The following NSUN6 variants were observed in gnomAD, a reference collection of about 807,000 sequenced individuals.
The protein encoded by NSUN6 is tRNA (cytosine(72)-C(5))-methyltransferase NSUN6.
In NSUN6, 64 loss-of-function variants were observed where a neutral mutation model predicts 58.0. The observed-to-expected ratio is 1.10, with a 90% CI of 0.90 to 1.36. The LOEUF (loss-of-function observed/expected upper bound fraction) is 1.36, where lower values mean the gene tolerates loss of function less well. NSUN6 is among the 40% of genes most tolerant of loss of function. The pLI is 0.00. For missense variants in NSUN6, 701 were observed against 550.1 expected, an observed-to-expected ratio of 1.27 and a Z score of -2.74; for synonymous variants, 231 against 193.9, an observed-to-expected ratio of 1.19 and a Z score of -1.59.
intron 5 of NSUN6, 152 bp downstream of exon 5, chr10:18,614,308 T>C (rs537827082): frequency 1.8e-5 from 7 of 398,206 alleles, no homozygotes; most frequent in South Asian, 1.1e-4. Flanking sequence ...CCAAACATCA[T>C]GGAAATATGG....
chr10:18,588,873 C>T (rs374690815), intron 7 of NSUN6, among the ~76,000 whole-genome samples: 80 of 152,274 alleles, frequency 5.3e-4, no homozygotes, highest in African/African-American at 1.8e-3. Flanking sequence ...TCTAAATAAT[C>T]GCAACTCCTC....
upstream of NSUN6, chr10:18,653,213 T>A: frequency 1.0e-6 from 1 of 984,706 alleles, no homozygotes; most frequent in Non-Finnish European, 1.2e-6. Context: ...CACCACTATG[T>A]ACCCAAGCCT....
intron 7 of NSUN6, among the ~76,000 whole-genome samples, chr10:18,588,459 C>G (rs568245844): frequency 6.6e-6 from 1 of 152,204 alleles, no homozygotes; most frequent in Non-Finnish European, 1.5e-5. Flanking sequence ...CAAGTGGGTC[C>G]CTGATCTCCG....
At position 18,585,970 on chromosome 10, in the gene NSUN6, C is replaced by G. The variant is rs775751297; in HGVS notation, c.901G>C (p.Asp301His). The change falls in exon 8 of 11, where the codon GAT becomes CAT. Residue 301 changes from aspartate (D) to histidine (H), a missense_variant. By Grantham distance (81) the Asp-to-His change is moderately conservative (BLOSUM62 -1). Coordinates refer to ENST00000377304, the MANE Select transcript of NSUN6 (RefSeq NM_182543.5). Reference protein sequence around the residue: ...CFDGTKAVKLDMVEDTEGEPP... With the variant: ...CFDGTKAVKLHMVEDTEGEPP... ...TCACCTTCTGTGTCCTCCACCATAT[C>G]AAGTTTAACCGCCTTTGTTCCATCA... The G allele has an allele frequency of 5.0e-6, 8 of 1,607,250 alleles. No homozygotes were observed. The East Asian group carries it at 8.9e-5, about 18-fold the overall frequency.
intron 8 of NSUN6, among the ~76,000 whole-genome samples, chr10:18,578,250 T>TTTTTTTTTTTTG: frequency 6.7e-6 from 1 of 148,278 alleles, no homozygotes; most frequent in Non-Finnish European, 1.5e-5. Flanking sequence ...TTTTTTTTTT[T>TTTTTTTTTTTTG]GAGATGGAGT....
upstream of NSUN6, among the ~76,000 whole-genome samples, chr10:18,657,389 T>C (rs1401383696): frequency 1.3e-5 from 2 of 152,168 alleles, no homozygotes; most frequent in Non-Finnish European, 2.9e-5. Flanking sequence ...AAAAGTAAGT[T>C]AAAAGTAAAT....
chr10:18,588,299 G>A (rs1186114778), intron 7 of NSUN6, among the ~76,000 whole-genome samples: 1 of 152,168 alleles, frequency 6.6e-6, no homozygotes, highest in East Asian at 1.9e-4. Context: ...CATTTCCCTT[G>A]GACAGAGCAC....
chr10:18,602,511 G>C (rs554831131), intron 6 of NSUN6, among the ~76,000 whole-genome samples: 1 of 152,162 alleles, frequency 6.6e-6, no homozygotes, highest in East Asian at 1.9e-4. Flanking sequence ...TAGGATTACA[G>C]GCGTAACCCA....
intron 8 of NSUN6, among the ~76,000 whole-genome samples, chr10:18,577,580 C>T (rs1417041574): frequency 1.3e-5 from 2 of 152,022 alleles, no homozygotes; most frequent in Non-Finnish European, 2.9e-5. Flanking sequence ...TCAAGCAGAA[C>T]AACTAAGCCA....
upstream of NSUN6, chr10:18,651,922 C>T (rs996468780): frequency 3.0e-6 from 3 of 985,282 alleles, no homozygotes; most frequent in African/African-American, 5.2e-5. Flanking sequence ...AAAGGCACAG[C>T]CCAGTTGCTG....
chr10:18,547,049 T>C (rs2054313786), intron 10 of NSUN6, among the ~76,000 whole-genome samples: 1 of 152,118 alleles, frequency 6.6e-6, no homozygotes, highest in South Asian at 2.1e-4. Flanking sequence ...CTAAGGTACC[T>C]CTCTCTGACC....
intron 3 of NSUN6, among the ~76,000 whole-genome samples, chr10:18,623,933 C>T (rs935543083): frequency 1.3e-5 from 2 of 152,124 alleles, no homozygotes; most frequent in African/African-American, 4.8e-5. Flanking sequence ...TGCTCTTTCC[C>T]CCATTCTGGA....
At chr10:18,649,500 T>G (rs1018939594) in intron 1 of NSUN6, among the ~76,000 whole-genome samples, 2 of 151,958 alleles carry the variant, frequency 1.3e-5, no homozygotes, top group African/African-American at 4.8e-5. Flanking sequence ...TGGTGGCCCC[T>G]GTCTGAGGTC....
At chr10:18,574,470 C>A (rs1475632554) in intron 8 of NSUN6, among the ~76,000 whole-genome samples, 2 of 152,072 alleles carry the variant, frequency 1.3e-5, no homozygotes. Context: ...TATTATCATA[C>A]AAAGGTTTGA....
At chr10:18,624,535 A>G (rs1270979300) in intron 3 of NSUN6, among the ~76,000 whole-genome samples, 1 of 150,696 alleles carries the variant, frequency 6.6e-6, no homozygotes, top group East Asian at 2.0e-4. Context: ...AGGTACCTGT[A>G]GCCTACTAGG....
At chr10:18,579,960 C>CT (rs907862583) in intron 8 of NSUN6, among the ~76,000 whole-genome samples, 1 of 152,146 alleles carries the variant, frequency 6.6e-6, no homozygotes, top group African/African-American at 2.4e-5. Flanking sequence ...TGACTTTTCC[C>CT]TTTAGCTTAG....
At chr10:18,559,479 T>G (rs528646612) in intron 8 of NSUN6, among the ~76,000 whole-genome samples, 1 of 143,904 alleles carries the variant, frequency 6.9e-6, no homozygotes. Flanking sequence ...GAGAATCGAA[T>G]GGAGAATGGA....
chr10:18,547,800 G>GA (rs11388658), intron 10 of NSUN6, among the ~76,000 whole-genome samples: 110,689 of 151,878 alleles, frequency 0.73, 40,588 homozygotes, highest in East Asian at 0.97. Flanking sequence ...GACTGGGAAG[G>GA]AGAAAAAAAT....
At chr10:18,574,929 T>G (rs1589920312) in intron 8 of NSUN6, among the ~76,000 whole-genome samples, 1 of 152,132 alleles carries the variant, frequency 6.6e-6, no homozygotes, top group Non-Finnish European at 1.5e-5. Flanking sequence ...GCAGATCAGG[T>G]AGCCAAGCAG....
Sources: gnomAD v4.1 joint callset for allele counts (sites outside exome capture counted in the v4.1 genomes callset) on GRCh38, gnomAD v4.1.1 for gene constraint, MANE v1.5 for transcripts, NCBI Gene and HGNC (gene_info 2026-07-23, HGNC 2026-07-21) for gene names.